The following NDRG2 variants were observed in gnomAD, a reference collection of about 807,000 sequenced individuals.
NDRG2 encodes NDRG family member 2.
A neutral mutation model predicts 58.2 loss-of-function variants in NDRG2; 34 were observed. The ratio of observed to expected loss-of-function variants is 0.58; its 90% CI spans 0.44 to 0.78. The LOEUF is 0.78. NDRG2 is among the 30% of genes least tolerant of loss of function. The pLI is 0.00. For missense variants in NDRG2, 434 were observed against 471.2 expected (o/e 0.92, Z 0.73); for synonymous variants, 187 against 175.9 (o/e 1.06, Z -0.50).
At chr14:21,057,719 T>A (rs2139149346) in intron 1 of NDRG2, 1 of 595,086 alleles carries the variant, frequency 1.7e-6, no homozygotes. Flanking sequence ...AGGCACATTA[T>A]CTGCTGGTAC....
Position 21,068,030 on chromosome 14 carries a change from C to G in NDRG2, c.24+2798G>C, listed in dbSNP as rs988676091. Among the ~76,000 whole-genome samples, 4 of 7,578 alleles carry G rather than the reference C, an allele frequency of 5.3e-4. 1 individual carries two copies. The highest frequency in any genetic ancestry group is 0.012 in the Admixed American group (2 of 164). 5.0% of individuals were successfully genotyped at this position (7,578 alleles called of 152,430 possible). ...TTTTTTTTTTTTTGAGACGGAGTCT[C>G]GCTCTGTCGCCCAGGCTGGAGTGCA... is the stretch of plus-strand genomic sequence containing the variant. On this transcript the variant is annotated intron_variant, in intron 1 of 14. Transcript: ENST00000403829.
intron 1 of NDRG2, among the ~76,000 whole-genome samples, chr14:21,065,772 C>G (rs1454468734): frequency 6.6e-6 from 1 of 152,114 alleles, no homozygotes; most frequent in Admixed American, 6.6e-5. Flanking sequence ...CCAAATTAAG[C>G]ATCTTTAGGA....
chr14:21,025,814 G>A, upstream of NDRG2: 1 of 724,462 alleles, frequency 1.4e-6, no homozygotes, highest in Non-Finnish European at 1.7e-6. This position sits in a 1 kb window ranked among gnomAD's most constrained non-coding sequence, Gnocchi z 5.1. Context: ...GCGGGGGGTG[G>A]GGAGAGGATG....
At chr14:21,053,133 T>TG (rs1885537276) in intron 1 of NDRG2, among the ~76,000 whole-genome samples, 1 of 152,092 alleles carries the variant, frequency 6.6e-6, no homozygotes, top group South Asian at 2.1e-4. Context: ...CTGATATAAC[T>TG]GGTAGGTAGT....
At chr14:21,035,415 T>C (rs534350907) in intron 1 of NDRG2, among the ~76,000 whole-genome samples, 1 of 152,194 alleles carries the variant, frequency 6.6e-6, no homozygotes, top group Non-Finnish European at 1.5e-5. Context: ...AGGGCCACGC[T>C]CCTATCTTTT....
chr14:21,023,882 A>C, intron 1 of NDRG2, 148 bp downstream of exon 1: 1 of 785,478 alleles, frequency 1.3e-6, no homozygotes, highest in Non-Finnish European at 1.5e-6. Context: ...ACATCTGTCC[A>C]ACCAACCCAA....
intron 1 of NDRG2, chr14:21,023,619 G>A (rs2138991546): frequency 2.7e-6 from 1 of 369,354 alleles, no homozygotes; most frequent in East Asian, 4.8e-5. Context: ...CAAAATACCA[G>A]GGTGGGGCAG....
intron 1 of NDRG2, among the ~76,000 whole-genome samples, chr14:21,051,731 G>A (rs548092072): frequency 6.6e-6 from 1 of 152,306 alleles, no homozygotes; most frequent in East Asian, 1.9e-4. Flanking sequence ...CCATGTGATG[G>A]AGCTCTGCTT....
rs1884842413 is a variant in NDRG2, at chr14:21,040,581, G to T, written c.25-17260C>A. Among the ~76,000 whole-genome samples, 3 of 152,148 alleles carry T rather than the reference G, an allele frequency of 2.0e-5. No individual in the cohort carries two copies. In the South Asian group the frequency reaches 6.2e-4, roughly 32 times the overall value. On this transcript the variant is annotated intron_variant, in intron 1 of 14. Coordinates refer to the NDRG2 transcript ENST00000403829. ...GTTCCCTACTGTGCTTGGAGTAAAAGCCACAGGCCTTCAAATGGTCCGTAA... is the reference window on the plus strand; with the variant it reads ...GTTCCCTACTGTGCTTGGAGTAAAATCCACAGGCCTTCAAATGGTCCGTAA...
At chr14:21,069,502 G>C (rs1191073280) in intron 1 of NDRG2, among the ~76,000 whole-genome samples, 2 of 152,330 alleles carry the variant, frequency 1.3e-5, no homozygotes, top group East Asian at 3.9e-4. Flanking sequence ...CCACGGAGGA[G>C]AGAACTCAGA....
At chr14:21,058,359 C>A in intron 1 of NDRG2, 1 of 1,593,108 alleles carries the variant, frequency 6.3e-7, no homozygotes, top group Non-Finnish European at 8.6e-7. Flanking sequence ...GTTGTCTAAG[C>A]CCTGGTGCCC....
In NDRG2 at chr14:21,024,396, C is replaced by A; in HGVS notation, c.-373G>T. 2.2e-6 allele frequency: 2 copies of A among 906,206 alleles called. No individual in the cohort carries two copies. The highest frequency in any genetic ancestry group is 2.6e-6 in the Non-Finnish European group (2 of 757,844). 56.1% of individuals were successfully genotyped at this position (906,206 alleles called of 1,614,324 possible). On this transcript the variant is annotated 5_prime_UTR_variant, in exon 1 of 16. Coordinates refer to ENST00000556147, the MANE Select transcript of NDRG2 (RefSeq NM_001320329.2). ...CCGGATTCGAATCCCGGCTCTGCCA[C>A]TCCCAGTGTGACCTTGCCCCAGTTA...
At chr14:21,022,796 A>C in intron 3 of NDRG2, 68 bp downstream of exon 3, 1 of 1,505,836 alleles carries the variant, frequency 6.6e-7, no homozygotes, top group Non-Finnish European at 9.1e-7. Context: ...GGCCAAGCAG[A>C]GGCCATCCTT....
intron 1 of NDRG2, chr14:21,034,421 C>T: frequency 1.5e-6 from 1 of 685,214 alleles, no homozygotes. Flanking sequence ...ACCAAGTTCT[C>T]ATGACCCAGA....
At chr14:21,042,888 G>A in intron 1 of NDRG2, 2 of 920,520 alleles carry the variant, frequency 2.2e-6, no homozygotes, top group Non-Finnish European at 3.2e-6. Context: ...GTAGGGAGAT[G>A]GGTGACTAGC....
intron 1 of NDRG2, chr14:21,031,234 A>T: frequency 6.4e-7 from 1 of 1,557,332 alleles, no homozygotes; most frequent in Non-Finnish European, 8.7e-7. Flanking sequence ...TACCCTCCCT[A>T]ACCCTGCCAA....
chr14:21,070,442 C>T lies in NDRG2; in HGVS notation c.24+386G>A, dbSNP rs1412322793. 6 of 1,369,692 alleles carry T rather than the reference C, an allele frequency of 4.4e-6. No homozygotes were observed. The highest frequency in any genetic ancestry group is 7.4e-5 in the Admixed American group (2 of 27,034). 84.8% of individuals were successfully genotyped at this position (1,369,692 alleles called of 1,614,324 possible). A position where few individuals can be genotyped will look rare whatever the true frequency, so the allele number is the denominator to read the frequency against. ...GCCCCCTGGGTCCCCTCGGCCTTCG[C>T]GCAGCCCGCTCCGGGCCCCCAAGTC... On this transcript the variant is annotated intron_variant, in intron 1 of 14. Transcript: ENST00000403829. This position sits in a 1 kb window ranked among gnomAD's most constrained non-coding sequence, Gnocchi z 4.7.
upstream of NDRG2, chr14:21,030,569 C>A: frequency 6.2e-7 from 1 of 1,612,590 alleles, no homozygotes; most frequent in Non-Finnish European, 8.5e-7. Context: ...CCCTCCCCGA[C>A]CTCTAGCTGA....
At chr14:21,031,213 T>C (rs1884096320) in intron 1 of NDRG2, 1 of 1,596,054 alleles carries the variant, frequency 6.3e-7, no homozygotes, top group Non-Finnish European at 8.5e-7. Context: ...TAAATCCCCA[T>C]TGTTCCAGTC....
Sources: allele counts gnomAD v4.1 joint callset (sites outside exome capture counted in the v4.1 genomes callset), GRCh38; gene constraint gnomAD v4.1.1; non-coding constraint Gnocchi (gnomAD v3.1); transcripts MANE v1.5; gene names NCBI Gene and HGNC (gene_info 2026-07-23, HGNC 2026-07-21).